RARB: variants seen among roughly 807,000 people sequenced by gnomAD.
RARB encodes retinoic acid receptor beta.
RARB carries 17 observed loss-of-function variants against 51.9 expected under a neutral mutation model. The ratio of observed to expected loss-of-function variants is 0.33; its 90% confidence interval spans 0.22 to 0.49. The LOEUF (loss-of-function observed/expected upper bound fraction) is 0.49, where lower values mean the gene tolerates loss of function less well. Among genes scored for constraint, RARB ranks in the 20% least tolerant of loss-of-function variants. The pLI is 0.99. For synonymous variants in RARB, 215 were observed against 195.4 expected, an observed-to-expected ratio of 1.10 and a Z score of -0.84; for missense variants, 369 against 550.8, an observed-to-expected ratio of 0.67 and a Z score of 3.30.
intron 5 of RARB, among the ~76,000 whole-genome samples, chr3:25,317,081 TC>T (rs1704446651): frequency 6.6e-6 from 1 of 151,526 alleles, no homozygotes; most frequent in Non-Finnish European, 1.5e-5. Context: ...TTATTATAAG[TC>T]GTGTAAAAGA....
chr3:24,994,649 G>A lies in RARB; in HGVS notation c.-379-65476G>A, dbSNP rs556436333. ...TTCGGGTACCACATGTAGGTATTTG[G>A]TCTATTGTGAGTTGATTTTGGGGTA... On this transcript the variant is annotated intron_variant, in intron 2 of 11. Coordinates refer to the RARB transcript ENST00000383772. 1.3e-4 allele frequency among the ~76,000 whole-genome samples: 20 copies of A among 151,984 alleles called. No individual in the cohort carries two copies. In the East Asian group the frequency reaches 1.9e-3, roughly 15 times the overall value.
chr3:25,224,674 A>G (rs948183054), intron 5 of RARB, among the ~76,000 whole-genome samples: 1 of 152,030 alleles, frequency 6.6e-6, no homozygotes, highest in African/African-American at 2.4e-5. Context: ...GTGGCATGAT[A>G]ATGGCTCACT....
intron 5 of RARB, among the ~76,000 whole-genome samples, chr3:25,343,456 CT>C (rs141171552): frequency 0.013 from 1,960 of 146,434 alleles, 49 homozygotes; most frequent in African/African-American, 0.045. Context: ...TCATTTCTGG[CT>C]TTTTTTTTTA....
intron 5 of RARB, among the ~76,000 whole-genome samples, chr3:25,221,015 T>TACACAC (rs558325713): frequency 6.6e-6 from 1 of 151,152 alleles, no homozygotes; most frequent in South Asian, 2.1e-4. Flanking sequence ...CCTCCCCTGC[T>TACACAC]ACACACACAC....
chr3:25,286,518 C>G (rs1355270020), intron 5 of RARB, among the ~76,000 whole-genome samples: 1 of 152,164 alleles, frequency 6.6e-6, no homozygotes, highest in East Asian at 1.9e-4. Flanking sequence ...TTCAGTGTGT[C>G]CTATACAACA....
chr3:25,135,171 G>A (rs1420898138), intron 4 of RARB, among the ~76,000 whole-genome samples: 1 of 151,734 alleles, frequency 6.6e-6, no homozygotes, highest in Non-Finnish European at 1.5e-5. Context: ...TCCATCGATA[G>A]AGTAGCCACT....
intron 5 of RARB, among the ~76,000 whole-genome samples, chr3:25,177,256 A>G (rs1053427037): frequency 2.0e-4 from 31 of 152,222 alleles, no homozygotes; most frequent in Non-Finnish European, 7.3e-5. Flanking sequence ...AAGTTCCTAG[A>G]AAAGGACAAA....
chr3:25,299,760 A>AAAT (rs1559349123), intron 5 of RARB, among the ~76,000 whole-genome samples: 2,765 of 150,980 alleles, frequency 0.018, 89 homozygotes, highest in African/African-American at 0.063. Context: ...GGCACCAAAA[A>AAAT]AAATAAATAA....
intron 5 of RARB, among the ~76,000 whole-genome samples, chr3:25,227,451 T>C (rs749367449): frequency 1.3e-5 from 2 of 152,156 alleles, no homozygotes; most frequent in South Asian, 2.1e-4. Flanking sequence ...AAATTCACAA[T>C]TGAGACTATA....
chr3:25,442,289 C>G (rs1027661607), intron 1 of RARB, among the ~76,000 whole-genome samples: 3 of 152,084 alleles, frequency 2.0e-5, no homozygotes, highest in Non-Finnish European at 4.4e-5. Context: ...GAGCGCGCTA[C>G]CACGCCCAGC....
At chr3:25,572,769 G>A (rs896844129) in intron 4 of RARB, among the ~76,000 whole-genome samples, 2 of 152,100 alleles carry the variant, frequency 1.3e-5, no homozygotes, top group Non-Finnish European at 2.9e-5. Context: ...GACTTTATAT[G>A]GCAATACCTA....
chr3:25,261,288 C>T (rs1168855264), intron 5 of RARB, among the ~76,000 whole-genome samples: 2 of 152,006 alleles, frequency 1.3e-5, no homozygotes. Context: ...CTACATTTGA[C>T]CCTATTTATC....
intron 5 of RARB, among the ~76,000 whole-genome samples, chr3:25,320,770 T>G (rs533478602): frequency 6.6e-6 from 1 of 152,172 alleles, no homozygotes; most frequent in African/African-American, 2.4e-5. Context: ...TGTTTGTTTG[T>G]TTTTGACCAG....
intron 2 of RARB, among the ~76,000 whole-genome samples, chr3:25,045,198 T>C (rs1698189022): frequency 6.6e-6 from 1 of 152,094 alleles, no homozygotes; most frequent in Admixed American, 6.5e-5. Context: ...TTCCTGGGTG[T>C]TTGATGGAGA....
chr3:24,937,287 T>C (rs1490510864), intron 2 of RARB, among the ~76,000 whole-genome samples: 1 of 152,148 alleles, frequency 6.6e-6, no homozygotes, highest in Non-Finnish European at 1.5e-5. Context: ...TGGTTCAATG[T>C]ATGTTAGAGA....
chr3:25,296,739 C>T (rs995533955), intron 5 of RARB, among the ~76,000 whole-genome samples: 2 of 152,176 alleles, frequency 1.3e-5, no homozygotes, highest in Non-Finnish European at 1.5e-5. Flanking sequence ...ATCTCTAACT[C>T]TGACCCATGA....
intron 5 of RARB, among the ~76,000 whole-genome samples, chr3:25,205,780 T>TA (rs1216713112): frequency 1.3e-5 from 2 of 152,120 alleles, no homozygotes; most frequent in Non-Finnish European, 2.9e-5. Context: ...TCTCACTCTG[T>TA]TGCCCTAGCT....
At chr3:25,374,387 A>G (rs957415265) in intron 5 of RARB, among the ~76,000 whole-genome samples, 1 of 152,174 alleles carries the variant, frequency 6.6e-6, no homozygotes, top group Non-Finnish European at 1.5e-5. Flanking sequence ...CTAAAGATAT[A>G]GGTAGGGTTA....
At chr3:25,595,079 A>G (rs1701766103) in intron 7 of RARB, among the ~76,000 whole-genome samples, 1 of 152,136 alleles carries the variant, frequency 6.6e-6, no homozygotes, top group African/African-American at 2.4e-5. Flanking sequence ...CACTTTAGCC[A>G]TTGCTCTTTT....
Sources: gnomAD v4.1 joint callset for allele counts (sites outside exome capture counted in the v4.1 genomes callset) on GRCh38, gnomAD v4.1.1 for gene constraint, MANE v1.5 for transcripts, NCBI Gene and HGNC (gene_info 2026-07-23, HGNC 2026-07-21) for gene names.